NAV1: variants seen among roughly 807,000 people sequenced by gnomAD.
NAV1 encodes the protein neuron navigator 1, also known as pore membrane and/or filament interacting like protein 3.
A neutral mutation model predicts 175.2 loss-of-function variants in NAV1; 18 were observed. The observed-to-expected ratio is 0.10, with a 90% CI of 0.07 to 0.15. The LOEUF (loss-of-function observed/expected upper bound fraction) is 0.15, where lower values mean the gene tolerates loss of function less well. Among genes scored for constraint, NAV1 ranks in the 10% least tolerant of loss-of-function variants. NAV1 has a pLI of 1.00. For synonymous variants in NAV1, 897 were observed against 978.7 expected, an observed-to-expected ratio of 0.92 and a Z score of 1.56; for missense variants, 1,731 against 2,436.6, an observed-to-expected ratio of 0.71 and a Z score of 6.10.
chr1:201,554,710 G>A (rs1225872024), intron 1 of NAV1, among the ~76,000 whole-genome samples: 1 of 152,160 alleles, frequency 6.6e-6, no homozygotes, highest in African/African-American at 2.4e-5. Flanking sequence ...TATAACCTGG[G>A]TAACTCATTT....
chr1:201,586,282 C>T (rs1317143555), intron 1 of NAV1, among the ~76,000 whole-genome samples: 2 of 95,492 alleles, frequency 2.1e-5, no homozygotes, highest in Middle Eastern at 6.8e-3. Flanking sequence ...AAAAGTAAAA[C>T]GGGGATTGCC....
chr1:201,556,831 G>A (rs1355618316), intron 1 of NAV1, among the ~76,000 whole-genome samples: 1 of 152,210 alleles, frequency 6.6e-6, no homozygotes, highest in Admixed American at 6.5e-5. Context: ...TGTGGAAAAC[G>A]GGTCTCAAGT....
At chr1:201,554,603 A>G (rs566200492) in intron 1 of NAV1, among the ~76,000 whole-genome samples, 1 of 152,344 alleles carries the variant, frequency 6.6e-6, no homozygotes, top group African/African-American at 2.4e-5. Context: ...ACTGTGGAAC[A>G]TGGGAGGGAC....
intron 2 of NAV1, among the ~76,000 whole-genome samples, chr1:201,607,560 C>T (rs11581690): frequency 0.12 from 17,789 of 152,032 alleles, 1,425 homozygotes; most frequent in East Asian, 0.4. Flanking sequence ...GGCACGATCT[C>T]GGCTCACTGC....
At chr1:201,618,716 T>C (rs1668072252), upstream of NAV1, among the ~76,000 whole-genome samples, 1 of 152,172 alleles carries the variant, frequency 6.6e-6, no homozygotes, top group Admixed American at 6.5e-5. Context: ...GGCAGCTCAC[T>C]TAACCTTCTC....
chr1:201,773,715 C>T (rs896993276), intron 3 of NAV1, among the ~76,000 whole-genome samples: 1 of 152,060 alleles, frequency 6.6e-6, no homozygotes, highest in Non-Finnish European at 1.5e-5. Flanking sequence ...GGGAATGAGA[C>T]GTGTAAATTT....
intron 1 of NAV1, among the ~76,000 whole-genome samples, chr1:201,699,970 C>T (rs1445785584): frequency 1.3e-5 from 2 of 152,160 alleles, no homozygotes; most frequent in African/African-American, 2.4e-5. Flanking sequence ...ACATGTTAGA[C>T]CTAAAACCAT....
intron 2 of NAV1, among the ~76,000 whole-genome samples, chr1:201,640,478 G>A (rs1668720332): frequency 6.6e-6 from 1 of 152,210 alleles, no homozygotes; most frequent in African/African-American, 2.4e-5. Flanking sequence ...TGCCTGGGCT[G>A]TGAGGATACC....
intron 1 of NAV1, among the ~76,000 whole-genome samples, chr1:201,559,860 A>C (rs886367764): frequency 7.9e-5 from 12 of 152,184 alleles, no homozygotes; most frequent in Non-Finnish European, 5.9e-5. Context: ...AGCAGAACCC[A>C]GCCCGATCCC....
chr1:201,633,665 T>G (rs1571854732), intron 2 of NAV1, among the ~76,000 whole-genome samples: 1 of 152,190 alleles, frequency 6.6e-6, no homozygotes, highest in Non-Finnish European at 1.5e-5. Flanking sequence ...ACTCCAAACC[T>G]ATGTCATTTC....
intron 15 of NAV1, chr1:201,796,281 A>AT (rs1677446383): frequency 6.6e-6 from 1 of 151,926 alleles, no homozygotes. Flanking sequence ...ACCATTTTAC[A>AT]TTCCTGTCAG....
At chr1:201,768,891 G>A (rs540818513) in intron 3 of NAV1, among the ~76,000 whole-genome samples, 3 of 152,140 alleles carry the variant, frequency 2.0e-5, no homozygotes, top group Non-Finnish European at 4.4e-5. Context: ...CTTTAATCTG[G>A]TGTAGTTCCA....
In NAV1 at chr1:201,695,010, C is replaced by T. The variant is rs114572611; in HGVS notation, c.758-17807C>T. ...GTAGAGATCGTCTGCCAAAAGGGTT[C>T]ATATATCCAAAAGGCAGGGTTGGCC... is the stretch of plus-strand genomic sequence containing the variant. On this transcript the variant is annotated intron_variant, in intron 1 of 29. Transcript: ENST00000367296. Among the ~76,000 whole-genome samples, 981 of 152,340 alleles carry T rather than the reference C, an allele frequency of 6.4e-3. 4 individuals are homozygous for T. The highest frequency in any genetic ancestry group is 0.012 in the Admixed American group (182 of 15,308).
At chr1:201,599,666 G>A (rs1414877715) in intron 2 of NAV1, among the ~76,000 whole-genome samples, 3 of 152,160 alleles carry the variant, frequency 2.0e-5, no homozygotes, top group African/African-American at 7.2e-5. Context: ...CCTCTTACTA[G>A]GAGGGGGAAC....
rs554478525 is a variant in NAV1 at position 201,599,576 on chromosome 1, C to T, written c.-33+10927C>T. On this transcript the variant is annotated intron_variant, in intron 2 of 33. Coordinates refer to the NAV1 transcript ENST00000685211. ...TTCAGAGTCTGTGGCAGGCAGCCAG[C>T]GAAATCCAGGACTTAGGGCCCACTT... Among the ~76,000 whole-genome samples the T allele has an allele frequency of 7.2e-5, 11 of 152,272 alleles. No individual in the cohort carries two copies. In the East Asian group the frequency reaches 1.5e-3, roughly 21 times the overall value.
At chr1:201,671,493 A>G (rs907264494) in intron 1 of NAV1, among the ~76,000 whole-genome samples, 2 of 152,214 alleles carry the variant, frequency 1.3e-5, no homozygotes, top group Non-Finnish European at 1.5e-5. Context: ...TGAGGCTAAC[A>G]GTGCTACAGT....
At chr1:201,821,311 C>T (rs1679363722) in exon 30 of NAV1, 1 of 152,554 alleles carries the variant, frequency 6.6e-6, no homozygotes, top group African/African-American at 2.4e-5. Context: ...AGATGAACAT[C>T]CATGTGAGAT....
At chr1:201,745,362 T>C (rs573822281) in intron 3 of NAV1, among the ~76,000 whole-genome samples, 40 of 152,294 alleles carry the variant, frequency 2.6e-4, no homozygotes, top group African/African-American at 7.5e-4. Context: ...AAAGGATATA[T>C]AGCAAGTATG....
intron 1 of NAV1, among the ~76,000 whole-genome samples, chr1:201,660,022 G>A (rs1410652619): frequency 6.6e-6 from 1 of 152,188 alleles, no homozygotes; most frequent in Non-Finnish European, 1.5e-5. Flanking sequence ...AGAGTTCACA[G>A]GTTGCCATGG....
Sources: allele counts gnomAD v4.1 joint callset (sites outside exome capture counted in the v4.1 genomes callset), GRCh38; gene constraint gnomAD v4.1.1; transcripts MANE v1.5; gene names NCBI Gene and HGNC (gene_info 2026-07-23, HGNC 2026-07-21).